Variants in GAB1 observed in about 807,000 individuals in gnomAD.
GAB1 encodes the protein GRB2 associated binding protein 1, also known as GRB2-associated-binding protein 1.
In GAB1, 19 loss-of-function variants were observed where a neutral mutation model predicts 66.5. That is an observed-to-expected ratio of 0.29 (90% confidence interval 0.20 to 0.42). GAB1 has a LOEUF of 0.42. GAB1 is among the 10% of genes least tolerant of loss of function. The pLI is 1.00. For missense variants in GAB1, 732 were observed against 858.5 expected, an observed-to-expected ratio of 0.85 and a Z score of 1.84; for synonymous variants, 294 against 301.4, an observed-to-expected ratio of 0.98 and a Z score of 0.25.
At chr4:143,346,384 C>T (rs1728992514) in intron 1 of GAB1, among the ~76,000 whole-genome samples, 1 of 152,204 alleles carries the variant, frequency 6.6e-6, no homozygotes, top group African/African-American at 2.4e-5. Flanking sequence ...GAGATGACTA[C>T]CTGATGAAAG....
chr4:143,393,230 TAAAAAAA>T (rs35271599), intron 1 of GAB1, among the ~76,000 whole-genome samples: 1 of 133,624 alleles, frequency 7.5e-6, no homozygotes, highest in Non-Finnish European at 1.6e-5. Context: ...TTTTTTTTTT[TAAAAAAA>T]AAAAAAGAAA....
At chr4:143,401,226 T>G (rs1446743630) in intron 1 of GAB1, among the ~76,000 whole-genome samples, 1 of 152,154 alleles carries the variant, frequency 6.6e-6, no homozygotes, top group African/African-American at 2.4e-5. Flanking sequence ...TGAGACTGTC[T>G]TCAGGTTACA....
chr4:143,397,211 A>G (rs1731494909), intron 1 of GAB1, among the ~76,000 whole-genome samples: 1 of 152,220 alleles, frequency 6.6e-6, no homozygotes, highest in East Asian at 1.9e-4. Context: ...TGGAAAGACA[A>G]GATGCTACCA....
At chr4:143,405,913 ATC>A (rs1254916757) in intron 1 of GAB1, among the ~76,000 whole-genome samples, 1 of 152,036 alleles carries the variant, frequency 6.6e-6, no homozygotes, top group African/African-American at 2.4e-5. Context: ...TCTTGCCATG[ATC>A]TCTCAGTATT....
At chr4:143,432,429 T>A (rs1158344628) in intron 2 of GAB1, among the ~76,000 whole-genome samples, 1 of 152,064 alleles carries the variant, frequency 6.6e-6, no homozygotes, top group Non-Finnish European at 1.5e-5. Context: ...TAGGAACACA[T>A]TGAAGGACAC....
At chr4:143,445,892 A>G (rs11945261) in intron 6 of GAB1, among the ~76,000 whole-genome samples, 37,065 of 152,012 alleles carry the variant, frequency 0.24, 4,843 homozygotes, top group South Asian at 0.31. Flanking sequence ...TGCTGCACCC[A>G]TTAACTCGTC....
At chr4:143,369,821 G>A (rs191088653) in intron 1 of GAB1, among the ~76,000 whole-genome samples, 6 of 152,334 alleles carry the variant, frequency 3.9e-5, no homozygotes, top group Middle Eastern at 3.4e-3. Context: ...GTTGTGACCC[G>A]TGCCTATTGT....
chr4:143,345,508 TTG>T (rs1216027911), intron 1 of GAB1, among the ~76,000 whole-genome samples: 2 of 152,260 alleles, frequency 1.3e-5, no homozygotes, highest in Admixed American at 1.3e-4. Context: ...AACTATCCTG[TTG>T]TTTTTCCTTT....
chr4:143,346,723 G>A (rs1037424210), intron 1 of GAB1, among the ~76,000 whole-genome samples: 5 of 152,156 alleles, frequency 3.3e-5, no homozygotes, highest in African/African-American at 1.2e-4. Flanking sequence ...ACATGTTCTT[G>A]ACAGTTTCAG....
At chr4:143,410,705 C>A (rs560391600) in intron 1 of GAB1, among the ~76,000 whole-genome samples, 1 of 152,316 alleles carries the variant, frequency 6.6e-6, no homozygotes, top group South Asian at 2.1e-4. Flanking sequence ...GTTTACACAC[C>A]TCTATGCTTG....
At position 143,440,062 on chromosome 4, in the gene GAB1, A is replaced by G. The variant is rs1734139943; in HGVS notation, c.1282-17A>G. The stretch of plus-strand genomic sequence containing the variant: ...CAAGAGTTTTTGTTTATTAAAAGAA[A>G]TATATATGTGTTTTAGAAAGTCAAA... On this transcript the variant is annotated splice_polypyrimidine_tract_variant and intron_variant, in intron 5 of 9. Transcript: ENST00000262994. 6.3e-7 allele frequency: 1 copy of G among 1,598,102 alleles called. No individual in the cohort carries two copies. Among genetic ancestry groups the G allele is most frequent in the Non-Finnish European group, 8.5e-7 (1 of 1,170,702 alleles).
At chr4:143,365,035 G>A (rs1381158648) in intron 1 of GAB1, among the ~76,000 whole-genome samples, 7 of 151,474 alleles carry the variant, frequency 4.6e-5, no homozygotes, top group Non-Finnish European at 8.8e-5. Flanking sequence ...CCGCCACCAC[G>A]CCTGGCTAAT....
chr4:143,359,794 GTGTT>G (rs1729593878), intron 1 of GAB1, among the ~76,000 whole-genome samples: 1 of 152,186 alleles, frequency 6.6e-6, no homozygotes. Flanking sequence ...GTGGCAAAGG[GTGTT>G]TGTTAACCCC....
chr4:143,460,097 T>C (rs1156663145), intron 7 of GAB1, among the ~76,000 whole-genome samples: 1 of 152,156 alleles, frequency 6.6e-6, no homozygotes, highest in Non-Finnish European at 1.5e-5. Flanking sequence ...TCTGTAACTT[T>C]CTACTTATCA....
intron 1 of GAB1, among the ~76,000 whole-genome samples, chr4:143,414,024 T>C (rs1297518215): frequency 6.6e-6 from 1 of 151,918 alleles, no homozygotes; most frequent in East Asian, 1.9e-4. Context: ...GGTTTCACCA[T>C]GTTGGCCAGG....
chr4:143,435,349 TGTGA>T (rs1469082617), intron 3 of GAB1, among the ~76,000 whole-genome samples: 2 of 152,240 alleles, frequency 1.3e-5, no homozygotes, highest in East Asian at 1.9e-4. Context: ...GCTTGTTTGC[TGTGA>T]GTATCTAAAA....
chr4:143,424,913 T>C, intron 2 of GAB1: 1 of 531,926 alleles, frequency 1.9e-6, no homozygotes. Flanking sequence ...CAAGATTGTT[T>C]CACTGCACTC....
chr4:143,421,182 T>G (rs1732992030), intron 2 of GAB1, among the ~76,000 whole-genome samples: 1 of 152,164 alleles, frequency 6.6e-6, no homozygotes, highest in African/African-American at 2.4e-5. Flanking sequence ...ATTGAAACCA[T>G]TATTTTTTCC....
chr4:143,420,762 C>T (rs940301053), intron 2 of GAB1, among the ~76,000 whole-genome samples: 1 of 151,744 alleles, frequency 6.6e-6, no homozygotes, highest in Non-Finnish European at 1.5e-5. Context: ...ATCATAGTGG[C>T]TTAATAAAAA....
Sources: gnomAD v4.1 joint callset for allele counts (sites outside exome capture counted in the v4.1 genomes callset) on GRCh38, gnomAD v4.1.1 for gene constraint, MANE v1.5 for transcripts, NCBI Gene and HGNC (gene_info 2026-07-23, HGNC 2026-07-21) for gene names.